RBFOX1: variants seen among roughly 807,000 people sequenced by gnomAD.
RBFOX1 encodes the protein RNA binding protein fox-1 homolog 1.
RBFOX1 carries 8 observed loss-of-function variants against 57.7 expected under a neutral mutation model. The ratio of observed to expected loss-of-function variants is 0.14; its 90% CI spans 0.08 to 0.25. The LOEUF (loss-of-function observed/expected upper bound fraction) is 0.25. Among genes scored for constraint, RBFOX1 ranks in the 10% least tolerant of loss-of-function variants. The pLI is 1.00. For synonymous variants in RBFOX1, 326 were observed against 222.4 expected (o/e 1.47, Z -4.15); for missense variants, 611 against 548.5 (o/e 1.11, Z -1.14).
At chr16:6,519,724 C>G (rs1049597482) in intron 2 of RBFOX1, among the ~76,000 whole-genome samples, 1 of 152,096 alleles carries the variant, frequency 6.6e-6, no homozygotes, top group Non-Finnish European at 1.5e-5. Context: ...GAAGAAAACT[C>G]TGCGAGAACT....
chr16:7,659,091 T>C (rs1037673864), intron 12 of RBFOX1, among the ~76,000 whole-genome samples: 3 of 152,246 alleles, frequency 2.0e-5, no homozygotes, highest in Admixed American at 1.3e-4. Flanking sequence ...TCTTGTTCTC[T>C]AGGTATCTCT....
At chr16:7,181,805 C>G (rs1473173425) in intron 4 of RBFOX1, among the ~76,000 whole-genome samples, 6 of 152,132 alleles carry the variant, frequency 3.9e-5, no homozygotes, top group Non-Finnish European at 8.8e-5. Context: ...AAGCGATCTG[C>G]CCATCTCAGC....
chr16:6,659,482 C>T (rs757611753), intron 3 of RBFOX1, among the ~76,000 whole-genome samples: 1 of 152,080 alleles, frequency 6.6e-6, no homozygotes, highest in Admixed American at 6.6e-5. Context: ...ATCTTAAGTA[C>T]CGCCGAATAC....
chr16:5,943,202 C>T (rs1447809904), intron 4 of RBFOX1, among the ~76,000 whole-genome samples: 1 of 152,164 alleles, frequency 6.6e-6, no homozygotes, highest in Admixed American at 6.5e-5. Flanking sequence ...CCCTGGAGCA[C>T]CTGCATTCAC....
At chr16:6,233,416 C>A (rs2097481098) in intron 1 of RBFOX1, among the ~76,000 whole-genome samples, 1 of 152,096 alleles carries the variant, frequency 6.6e-6, no homozygotes, top group Non-Finnish European at 1.5e-5. Context: ...GCACCCCACT[C>A]GTCCCCACCT....
intron 4 of RBFOX1, among the ~76,000 whole-genome samples, chr16:5,895,365 A>C (rs2058140070): frequency 6.6e-6 from 1 of 152,234 alleles, no homozygotes; most frequent in Admixed American, 6.5e-5. Flanking sequence ...CTCAGATATT[A>C]GATTTCTAAG....
At chr16:5,490,704 G>A (rs2042799188) in intron 2 of RBFOX1, among the ~76,000 whole-genome samples, 1 of 152,284 alleles carries the variant, frequency 6.6e-6, no homozygotes, top group South Asian at 2.1e-4. Flanking sequence ...CTGGCCAGGC[G>A]GATTCCCGTG....
At chr16:6,951,452 C>T (rs2080743758) in intron 3 of RBFOX1, among the ~76,000 whole-genome samples, 1 of 152,100 alleles carries the variant, frequency 6.6e-6, no homozygotes, top group Non-Finnish European at 1.5e-5. Context: ...CTCACTTAAT[C>T]AGGAGCTTTT....
intron 4 of RBFOX1, among the ~76,000 whole-genome samples, chr16:7,091,384 T>G (rs1232001392): frequency 6.6e-6 from 1 of 151,966 alleles, no homozygotes; most frequent in African/African-American, 2.4e-5. Flanking sequence ...TTTAGAAATA[T>G]CATTTTATAC....
At chr16:6,918,458 C>G (rs557417201) in intron 3 of RBFOX1, among the ~76,000 whole-genome samples, 11 of 152,214 alleles carry the variant, frequency 7.2e-5, no homozygotes, top group African/African-American at 2.4e-4. Flanking sequence ...CAGAGTAAAA[C>G]CATCTTAAAT....
At chr16:6,707,923 G>C (rs563323410) in intron 3 of RBFOX1, among the ~76,000 whole-genome samples, 29 of 152,274 alleles carry the variant, frequency 1.9e-4, no homozygotes, top group Admixed American at 1.9e-3. Flanking sequence ...AAGATTCAGG[G>C]AATGGAGTTG....
intron 3 of RBFOX1, among the ~76,000 whole-genome samples, chr16:6,731,513 A>G (rs551758566): frequency 2.0e-5 from 3 of 152,206 alleles, no homozygotes; most frequent in African/African-American, 7.2e-5. Flanking sequence ...AGTTCTTGAG[A>G]GTATTTCTCA....
At chr16:7,706,347 G>C (rs935871820) in intron 14 of RBFOX1, among the ~76,000 whole-genome samples, 1 of 152,214 alleles carries the variant, frequency 6.6e-6, no homozygotes, top group Admixed American at 6.5e-5. Context: ...TTTCTGAGGA[G>C]TAGTTCAATG....
At chr16:7,355,563 T>C (rs2097200186) in intron 4 of RBFOX1, among the ~76,000 whole-genome samples, 2 of 152,228 alleles carry the variant, frequency 1.3e-5, no homozygotes, top group South Asian at 4.1e-4. Context: ...ATCACCCACA[T>C]GATTTTGCTC....
chr16:5,927,174 G>T (rs199505114), intron 4 of RBFOX1, among the ~76,000 whole-genome samples: 4 of 152,112 alleles, frequency 2.6e-5, no homozygotes, highest in Non-Finnish European at 4.4e-5. Flanking sequence ...AAAATCCAAT[G>T]AAAGTAAAAC....
chr16:5,592,834 T>C (rs895795573), intron 2 of RBFOX1, among the ~76,000 whole-genome samples: 1 of 152,176 alleles, frequency 6.6e-6, no homozygotes, highest in Non-Finnish European at 1.5e-5. Flanking sequence ...AGGAGATATG[T>C]CAGAGCCCTG....
chr16:6,057,542 C>A (rs546817777), intron 1 of RBFOX1, among the ~76,000 whole-genome samples: 1 of 152,050 alleles, frequency 6.6e-6, no homozygotes, highest in East Asian at 1.9e-4. Flanking sequence ...GGCTTGGTCT[C>A]TGCCAACAAA....
chr16:6,570,956 C>G (rs892507532), intron 2 of RBFOX1, among the ~76,000 whole-genome samples: 7 of 152,094 alleles, frequency 4.6e-5, no homozygotes, highest in African/African-American at 1.4e-4. Context: ...ATCAGAGGCT[C>G]TGGGTACCCT....
chr16:6,613,136 G>A (rs903861991), intron 2 of RBFOX1, among the ~76,000 whole-genome samples: 2 of 152,098 alleles, frequency 1.3e-5, no homozygotes, highest in African/African-American at 4.8e-5. Context: ...CGGTGCATGT[G>A]CCTTGATCTA....
Sources: allele counts gnomAD v4.1 joint callset (sites outside exome capture counted in the v4.1 genomes callset), GRCh38; gene constraint gnomAD v4.1.1; transcripts MANE v1.5; gene names NCBI Gene and HGNC (gene_info 2026-07-23, HGNC 2026-07-21).